UGT1A7: variants seen among roughly 807,000 people sequenced by gnomAD.
UGT1A7 encodes UDP-glucuronosyltransferase 1A7.
Under a neutral mutation model 45.6 loss-of-function variants are expected in UGT1A7, and 33 were observed. That is an observed-to-expected ratio of 0.72 (90% CI 0.55 to 0.97). The LOEUF is 0.97. Among genes scored for constraint, UGT1A7 ranks in the 50% least tolerant of loss-of-function variants. The pLI, the probability that UGT1A7 is intolerant of heterozygous loss-of-function variation, is 0.00. For missense variants in UGT1A7, 684 were observed against 666.2 expected (o/e 1.03, Z -0.29); for synonymous variants, 274 against 250.6 (o/e 1.09, Z -0.88).
intron 1 of UGT1A7, chr2:233,747,633 C>T (rs1217240528): frequency 4.9e-5 from 78 of 1,580,658 alleles, no homozygotes; most frequent in Non-Finnish European, 6.7e-5. Flanking sequence ...GATCAGGCAC[C>T]TGAATGCTAC....
At position 233,690,892 on chromosome 2, in the gene UGT1A7, G is replaced by A. The variant is rs1171545232; in HGVS notation, c.855+8100G>A. 3 of 1,044,122 alleles carry A rather than the reference G, an allele frequency of 2.9e-6. No homozygotes were observed. In the African/African-American group the frequency reaches 5.1e-5, roughly 18 times the overall value. 64.7% of individuals were successfully genotyped at this position (1,044,122 alleles called of 1,614,324 possible). A position where few individuals can be genotyped will look rare whatever the true frequency, so the allele number is the denominator to read the frequency against. ...AGAAGGTGTTAGGAATTCAAGGGAT[G>A]GTATGCATAGTGATGTTAGTTTCAT... is the stretch of plus-strand genomic sequence containing the variant. On this transcript the variant is annotated intron_variant, in intron 1 of 4. Coordinates refer to ENST00000373426, the MANE Select transcript of UGT1A7 (RefSeq NM_019077.3).
intron 1 of UGT1A7, among the ~76,000 whole-genome samples, chr2:233,758,575 A>G (rs1696915636): frequency 6.6e-6 from 1 of 152,204 alleles, no homozygotes; most frequent in African/African-American, 2.4e-5. Context: ...TAAAAAATGA[A>G]GAGTGTTTGG....
At chr2:233,763,669 C>T (rs902437322) in intron 1 of UGT1A7, among the ~76,000 whole-genome samples, 1 of 152,168 alleles carries the variant, frequency 6.6e-6, no homozygotes, top group Non-Finnish European at 1.5e-5. Context: ...AACTCCTGAA[C>T]TTTAAGAATA....
At chr2:233,717,412 CT>C (rs1379862017) in intron 1 of UGT1A7, among the ~76,000 whole-genome samples, 17 of 152,222 alleles carry the variant, frequency 1.1e-4, no homozygotes, top group African/African-American at 3.9e-4. Context: ...ATATGCCTCC[CT>C]TGAGCTGGGT....
Position 233,692,705 on chromosome 2 carries a change from A to G in UGT1A7, c.855+9913A>G, listed in dbSNP as rs557358228. On this transcript the variant is annotated intron_variant, in intron 1 of 4. Coordinates refer to ENST00000373426, the MANE Select transcript of UGT1A7 (RefSeq NM_019077.3). ...GGGTCCTCAGGGGTCTCTCCAAGTCATCTTCAAAGTGTTGCTATAACTTTT... is the reference window on the plus strand; with the variant it reads ...GGGTCCTCAGGGGTCTCTCCAAGTCGTCTTCAAAGTGTTGCTATAACTTTT... 462 of 440,436 alleles carry G rather than the reference A, an allele frequency of 1.0e-3. 2 individuals are homozygous for G. Among genetic ancestry groups the G allele is most frequent in the African/African-American group, 9.4e-3 (438 of 46,776 alleles). 27.3% of individuals were successfully genotyped at this position (440,436 alleles called of 1,614,324 possible).
In UGT1A7 at chr2:233,728,580, C is replaced by T. The variant is rs28898616; in HGVS notation, c.856-38454C>T. ...ACAAGAAATATCCTGGTGCGAAAAA[C>T]GACCAAAACCACATAGCCAGCCTCC... On this transcript the variant is annotated intron_variant, in intron 1 of 4. Transcript: ENST00000373426. Among the ~76,000 whole-genome samples, 824 of 152,300 alleles carry T rather than the reference C, an allele frequency of 5.4e-3. 4 individuals are homozygous for T. Among genetic ancestry groups the T allele is most frequent in the African/African-American group, 0.019 (777 of 41,552 alleles).
intron 1 of UGT1A7, chr2:233,719,466 T>C (rs2076769813): frequency 6.2e-7 from 1 of 1,614,004 alleles, no homozygotes; most frequent in South Asian, 1.1e-5. Flanking sequence ...GAACATGCTC[T>C]ACCCTCTGGC....
chr2:233,755,387 G>A lies in UGT1A7; in HGVS notation c.856-11647G>A, dbSNP rs28900392. On this transcript the variant is annotated intron_variant, in intron 1 of 4. Transcript: ENST00000373426. Reference sequence around the variant, plus strand: ...CGCCTGGAGGGCCGCCCCTTATGACGCAGCCACATCTCATTGGCCGAGGCC... The same window carrying A: ...CGCCTGGAGGGCCGCCCCTTATGACACAGCCACATCTCATTGGCCGAGGCC... 908 of 345,012 alleles carry A rather than the reference G, an allele frequency of 2.6e-3. 4 individuals are homozygous for A. Among genetic ancestry groups the A allele is most frequent in the African/African-American group, 0.018 (852 of 46,552 alleles). The allele number at this position is 345,012 out of a possible 1,614,324, so 21.4% of individuals were successfully genotyped here.
intron 1 of UGT1A7, chr2:233,713,893 A>C (rs774657608): frequency 3.1e-6 from 5 of 1,613,332 alleles, no homozygotes; most frequent in Non-Finnish European, 4.2e-6. Flanking sequence ...TCAATGTTCC[A>C]GGCAAAACAC....
intron 1 of UGT1A7, among the ~76,000 whole-genome samples, chr2:233,745,989 G>A (rs1477607074): frequency 1.3e-5 from 2 of 151,676 alleles, no homozygotes; most frequent in Admixed American, 1.3e-4. Context: ...ATGACAGCTG[G>A]GTCTGAGAGA....
In UGT1A7 at chr2:233,761,665, G is replaced by C. The variant is rs555006913; in HGVS notation, c.856-5369G>C. Among the ~76,000 whole-genome samples, 14 of 152,352 alleles carry C rather than the reference G, an allele frequency of 9.2e-5. No homozygotes were observed. The South Asian group carries it at 2.5e-3, about 27-fold the overall frequency. ...TTCTCTTCTAATGAGTGAATCACCA[G>C]ACAGTCAGGTTCTGACATGATACAG... On this transcript the variant is annotated intron_variant, in intron 1 of 4. Transcript: ENST00000373426.
intron 1 of UGT1A7, among the ~76,000 whole-genome samples, chr2:233,716,765 C>T (rs542066726): frequency 6.6e-6 from 1 of 152,294 alleles, no homozygotes; most frequent in African/African-American, 2.4e-5. Context: ...AGCTAGATCA[C>T]TCAGGTCAGG....
chr2:233,711,602 GC>G (rs2125624733), intron 1 of UGT1A7, among the ~76,000 whole-genome samples: 1 of 152,258 alleles, frequency 6.6e-6, no homozygotes, highest in African/African-American at 2.4e-5. Context: ...TCCTGCCTGC[GC>G]CCTCTGGTGG....
At chr2:233,685,017 G>A (rs1280301846) in intron 1 of UGT1A7, among the ~76,000 whole-genome samples, 1 of 152,158 alleles carries the variant, frequency 6.6e-6, no homozygotes, top group East Asian at 1.9e-4. Context: ...GCACGTATGT[G>A]TCTGTATGTG....
In UGT1A7 at chr2:233,719,323, C is replaced by G. The variant is rs760645007; in HGVS notation, c.855+36531C>G. On this transcript the variant is annotated intron_variant, in intron 1 of 4. Coordinates refer to ENST00000373426, the MANE Select transcript of UGT1A7 (RefSeq NM_019077.3). ...GTGCTGGCTAAGTACCTGTCGATTC[C>G]TGCTGTGTTTTTTTGGAGGTACATT... 1.2e-5 allele frequency: 20 copies of G among 1,613,830 alleles called. No individual in the cohort carries two copies. In the South Asian group the frequency reaches 2.2e-4, roughly 18 times the overall value.
At chr2:233,755,113 AG>A in intron 1 of UGT1A7, 1 of 1,332,540 alleles carries the variant, frequency 7.5e-7, no homozygotes, top group Non-Finnish European at 1.0e-6. Context: ...AACACCTCGT[AG>A]GCCTCAGCCA....
rs1248862284 is a variant in UGT1A7, at chr2:233,768,128, C to G, written c.1076-92C>G. On this transcript the variant is annotated intron_variant, in intron 3 of 4. Transcript: ENST00000373426. ...TTTCTGCAAGGGCATGTGAGTAACA[C>G]TGAGTCTTTGGAGTGTTTTCAGAAC... 5 of 1,605,354 alleles carry G rather than the reference C, an allele frequency of 3.1e-6. No homozygotes were observed. In the East Asian group the frequency reaches 1.1e-4, roughly 36 times the overall value.
At chr2:233,729,801 T>C (rs1335994294) in intron 1 of UGT1A7, 3 of 1,613,964 alleles carry the variant, frequency 1.9e-6, no homozygotes, top group Non-Finnish European at 1.7e-6. Context: ...ACATTTGCCA[T>C]GCTTTTTCTG....
In UGT1A7 at chr2:233,772,749, G is replaced by T. The variant is rs901299936; in HGVS notation, c.*190G>T. The T allele has an allele frequency of 1.4e-6, 2 of 1,420,114 alleles. No individual in the cohort carries two copies. The highest frequency in any genetic ancestry group is 1.8e-6 in the Non-Finnish European group (2 of 1,083,638). The allele number at this position is 1,420,114 out of a possible 1,614,324, so 88.0% of individuals were successfully genotyped here. A position where few individuals can be genotyped will look rare whatever the true frequency, so the allele number is the denominator to read the frequency against. On this transcript the variant is annotated 3_prime_UTR_variant, in exon 5 of 5. Coordinates refer to ENST00000373426, the MANE Select transcript of UGT1A7 (RefSeq NM_019077.3). ...GACTCGCTAGTCAGTAAAGATATTTGAATATGTATCGTGCCCCCTCTGGTG... is the reference window on the plus strand; with the variant it reads ...GACTCGCTAGTCAGTAAAGATATTTTAATATGTATCGTGCCCCCTCTGGTG...
Sources: allele counts gnomAD v4.1 joint callset (sites outside exome capture counted in the v4.1 genomes callset), GRCh38; gene constraint gnomAD v4.1.1; transcripts MANE v1.5; gene names NCBI Gene and HGNC (gene_info 2026-07-23, HGNC 2026-07-21).